The following RABGAP1L variants were observed in gnomAD, a reference collection of about 807,000 sequenced individuals.
RABGAP1L encodes the protein RAB GTPase activating protein 1 like.
A neutral mutation model predicts 137.7 loss-of-function variants in RABGAP1L; 63 were observed. That is an observed-to-expected ratio of 0.46 (90% CI 0.37 to 0.56). The LOEUF is 0.56. Ranked by LOEUF, RABGAP1L falls within the 20% of genes least tolerant of loss-of-function variation. The pLI, the probability that RABGAP1L is intolerant of heterozygous loss-of-function variation, is 0.00. For synonymous variants in RABGAP1L, 431 were observed against 433.7 expected, an observed-to-expected ratio of 0.99 and a Z score of 0.08; for missense variants, 1,095 against 1,244.0, an observed-to-expected ratio of 0.88 and a Z score of 1.80.
intron 18 of RABGAP1L, among the ~76,000 whole-genome samples, chr1:174,809,508 A>T (rs933659500): frequency 6.6e-6 from 1 of 152,212 alleles, no homozygotes; most frequent in Non-Finnish European, 1.5e-5. Flanking sequence ...TGGATTTGAA[A>T]TTAGGCCTTG....
At chr1:174,861,921 C>T (rs116128276) in intron 19 of RABGAP1L, among the ~76,000 whole-genome samples, 1,818 of 152,098 alleles carry the variant, frequency 0.012, 40 homozygotes, top group African/African-American at 0.042. Context: ...ATTTTGTTGA[C>T]TGTTTCCTTT....
At chr1:174,638,812 C>G (rs1349648778) in intron 14 of RABGAP1L, among the ~76,000 whole-genome samples, 1 of 147,014 alleles carries the variant, frequency 6.8e-6, no homozygotes, top group Non-Finnish European at 1.5e-5. Flanking sequence ...CGCATATTCT[C>G]CCTCATAGGT....
chr1:174,614,292 G>A (rs1036848199), intron 13 of RABGAP1L, among the ~76,000 whole-genome samples: 2 of 152,126 alleles, frequency 1.3e-5, no homozygotes, highest in African/African-American at 4.8e-5. Context: ...GTCTGTAAAG[G>A]AGTTTATTTC....
intron 1 of RABGAP1L, among the ~76,000 whole-genome samples, chr1:174,215,467 A>T (rs111387084): frequency 0.011 from 1,683 of 150,932 alleles, 20 homozygotes; most frequent in African/African-American, 0.011. Flanking sequence ...CAAAAAAAAA[A>T]AATAATAATA....
chr1:174,548,102 G>T, intron 13 of RABGAP1L: 1 of 1,539,382 alleles, frequency 6.5e-7, no homozygotes, highest in South Asian at 1.2e-5. Context: ...TTCTTTGCAT[G>T]GGAGGTTGCA....
rs138784252 is a variant in RABGAP1L, at chr1:174,981,668, C to T, written c.2734-1166C>T. Among the ~76,000 whole-genome samples, 408 of 145,856 alleles carry T rather than the reference C, an allele frequency of 2.8e-3. 4 individuals are homozygous for T. The highest frequency in any genetic ancestry group is 0.01 in the African/African-American group (393 of 38,960). ...GCAGCCTTGACCTCCTGGGCTCAAG[C>T]GATCCTCCCACCTTTCATCCACTTT... is the stretch of plus-strand genomic sequence containing the variant. On this transcript the variant is annotated intron_variant, in intron 23 of 25. Coordinates refer to ENST00000681986, the MANE Select transcript of RABGAP1L (RefSeq NM_001366446.1).
At chr1:174,550,962 ATATATATACATG>A (rs1372515014) in intron 13 of RABGAP1L, among the ~76,000 whole-genome samples, 3 of 104,516 alleles carry the variant, frequency 2.9e-5, no homozygotes, top group African/African-American at 4.6e-5. Flanking sequence ...ATATATACAC[ATATATATACATG>A]TATATATACA....
At chr1:174,850,264 G>A (rs1037752793) in intron 19 of RABGAP1L, 15 of 243,364 alleles carry the variant, frequency 6.2e-5, no homozygotes, top group African/African-American at 3.4e-4. Flanking sequence ...CTTCTACTGA[G>A]GCCTTGGTGA....
intron 19 of RABGAP1L, among the ~76,000 whole-genome samples, chr1:174,849,064 C>G (rs1038713373): frequency 5.9e-5 from 9 of 152,238 alleles, no homozygotes; most frequent in South Asian, 2.1e-4. Context: ...CCAGGTGAGG[C>G]AATGCCTCGC....
At chr1:174,192,319 T>G (rs1379424294) in intron 1 of RABGAP1L, among the ~76,000 whole-genome samples, 1 of 58,222 alleles carries the variant, frequency 1.7e-5, no homozygotes, top group Non-Finnish European at 3.0e-5. Context: ...GTCTGAGGTG[T>G]TTTTTTTTTT....
At chr1:174,537,101 C>A (rs997364404) in intron 13 of RABGAP1L, among the ~76,000 whole-genome samples, 2 of 152,124 alleles carry the variant, frequency 1.3e-5, no homozygotes, top group African/African-American at 4.8e-5. Flanking sequence ...TCTCCCACAC[C>A]AAACTATAAA....
At chr1:174,377,732 T>G (rs985895116) in intron 12 of RABGAP1L, among the ~76,000 whole-genome samples, 1 of 149,568 alleles carries the variant, frequency 6.7e-6, no homozygotes, top group African/African-American at 2.5e-5. Context: ...GTGGAGACAT[T>G]GAAAGCGTAG....
intron 12 of RABGAP1L, among the ~76,000 whole-genome samples, chr1:174,377,801 A>C (rs888729532): frequency 1.4e-5 from 2 of 147,704 alleles, no homozygotes; most frequent in African/African-American, 5.0e-5. Context: ...ATTTTTTATT[A>C]TACTTTAAGT....
chr1:174,486,400 G>A (rs1171848191), intron 13 of RABGAP1L, among the ~76,000 whole-genome samples: 2 of 148,698 alleles, frequency 1.3e-5, no homozygotes, highest in Non-Finnish European at 3.0e-5. Flanking sequence ...AGGCTGGAGT[G>A]CAGTGGCGTG....
chr1:174,475,780 A>G (rs1302731759), intron 13 of RABGAP1L, among the ~76,000 whole-genome samples: 2 of 150,412 alleles, frequency 1.3e-5, no homozygotes, highest in East Asian at 3.9e-4. Flanking sequence ...CTTAAAAAAA[A>G]AAAAAAAAAA....
chr1:174,598,709 A>G (rs1281604385), intron 13 of RABGAP1L, among the ~76,000 whole-genome samples: 3 of 152,118 alleles, frequency 2.0e-5, no homozygotes, highest in Admixed American at 1.3e-4. Flanking sequence ...TTTATCTGAT[A>G]TAAGTGTAGC....
chr1:174,658,345 C>A (rs1676113620), intron 14 of RABGAP1L, among the ~76,000 whole-genome samples: 1 of 151,956 alleles, frequency 6.6e-6, no homozygotes, highest in Non-Finnish European at 1.5e-5. Flanking sequence ...TATATATAAC[C>A]ATTTGTGTTG....
intron 17 of RABGAP1L, among the ~76,000 whole-genome samples, chr1:174,717,780 C>A (rs1056279434): frequency 3.3e-5 from 5 of 152,148 alleles, no homozygotes; most frequent in Non-Finnish European, 7.3e-5. Context: ...GATAACTTTA[C>A]AAGTACTGCT....
At chr1:174,690,728 A>G (rs898293393) in intron 15 of RABGAP1L, among the ~76,000 whole-genome samples, 1 of 152,144 alleles carries the variant, frequency 6.6e-6, no homozygotes, top group Non-Finnish European at 1.5e-5. Context: ...GGGAGAATAG[A>G]CAAATGACTA....
Sources: allele counts gnomAD v4.1 joint callset (sites outside exome capture counted in the v4.1 genomes callset), GRCh38; gene constraint gnomAD v4.1.1; transcripts MANE v1.5; gene names NCBI Gene and HGNC (gene_info 2026-07-23, HGNC 2026-07-21).